Variants in IGFBP7 observed in about 807,000 individuals in gnomAD.
The protein encoded by IGFBP7 is insulin-like growth factor-binding protein 7.
IGFBP7 carries 31 observed loss-of-function variants against 29.4 expected under a neutral mutation model. That is an observed-to-expected ratio of 1.05 (90% CI 0.79 to 1.42). The LOEUF is 1.42. Among genes scored for constraint, IGFBP7 ranks in the 40% most tolerant of loss-of-function variants. The pLI, the probability that IGFBP7 is intolerant of heterozygous loss-of-function variation, is 0.00. For missense variants in IGFBP7, 393 were observed against 395.5 expected, an observed-to-expected ratio of 0.99 and a Z score of 0.05; for synonymous variants, 172 against 174.9, an observed-to-expected ratio of 0.98 and a Z score of 0.13.
chr4:57,089,105 G>A lies in IGFBP7; in HGVS notation c.475+20772C>T, dbSNP rs189953639. On this transcript the variant is annotated intron_variant, in intron 1 of 4. Transcript: ENST00000295666. ...CACACATTTAGTAAGTGGGGGAGTG[G>A]GGATTTGAACCCCACCCTCTCCAAA... is the stretch of plus-strand genomic sequence containing the variant. Among the ~76,000 whole-genome samples the A allele has an allele frequency of 2.0e-5, 3 of 151,698 alleles. No individual in the cohort carries two copies. The East Asian group carries it at 5.8e-4, about 29-fold the overall frequency.
At chr4:57,066,588 G>T (rs1214147212) in intron 1 of IGFBP7, among the ~76,000 whole-genome samples, 1 of 151,868 alleles carries the variant, frequency 6.6e-6, no homozygotes, top group Non-Finnish European at 1.5e-5. Context: ...TTTGGAGATG[G>T]AGTCTTGCTC....
intron 1 of IGFBP7, among the ~76,000 whole-genome samples, chr4:57,083,310 G>C (rs1466298989): frequency 1.6e-4 from 24 of 152,214 alleles, no homozygotes; most frequent in Non-Finnish European, 3.5e-4. Context: ...TTTCCCAGCA[G>C]TGGGAGTGAG....
Position 57,039,065 on chromosome 4 carries a change from C to CA in IGFBP7, c.585+1758dup, listed in dbSNP as rs71208974. On this transcript the variant is annotated intron_variant, in intron 2 of 4. Transcript: ENST00000295666. The stretch of plus-strand genomic sequence containing the variant: ...GGGCAATAAGAGTGAAACTATGTCT[C>CA]AAAAAAAAAAAAAAAAAAAAAAAGA... 9.9e-3 allele frequency among the ~76,000 whole-genome samples: 1,054 copies of CA among 106,096 alleles called. 18 individuals carry two copies. The highest frequency in any genetic ancestry group is 0.019 in the African/African-American group (513 of 27,330). The allele number at this position is 106,096 out of a possible 152,430, so 69.6% of individuals were successfully genotyped here. A position where few individuals can be genotyped will look rare whatever the true frequency, so the allele number is the denominator to read the frequency against.
chr4:57,082,373 G>A (rs1210080836), intron 1 of IGFBP7, among the ~76,000 whole-genome samples: 2 of 152,114 alleles, frequency 1.3e-5, no homozygotes, highest in Non-Finnish European at 2.9e-5. Context: ...TGGGACCTGC[G>A]TCTTTGGAGT....
At chr4:57,090,096 C>G (rs561083214) in intron 1 of IGFBP7, among the ~76,000 whole-genome samples, 12 of 152,304 alleles carry the variant, frequency 7.9e-5, no homozygotes, top group Admixed American at 6.5e-4. Context: ...GCCACTAGAG[C>G]CAAGTTTTCT....
At chr4:57,102,009 T>A (rs4590105) in intron 1 of IGFBP7, among the ~76,000 whole-genome samples, 1 of 152,218 alleles carries the variant, frequency 6.6e-6, no homozygotes, top group Non-Finnish European at 1.5e-5. Flanking sequence ...CTTAAAAATT[T>A]TTTTGACGAT....
chr4:57,034,061 A>AAC (rs1553913036), intron 2 of IGFBP7, among the ~76,000 whole-genome samples: 8 of 151,078 alleles, frequency 5.3e-5, no homozygotes, highest in African/African-American at 2.0e-4. Context: ...AAAAAAAAAA[A>AAC]AAAAAAACAG....
In IGFBP7 at chr4:57,064,337, C is replaced by A. The variant is rs529213550; in HGVS notation, c.476-23404G>T. ...CTGAGATTGCACCACTGCACTCCAG[C>A]CTGGGTGACTAAAAACAAACAAACA... On this transcript the variant is annotated intron_variant, in intron 1 of 4. Transcript: ENST00000295666. Among the ~76,000 whole-genome samples the A allele has an allele frequency of 2.6e-5, 4 of 152,300 alleles. No homozygotes were observed. The South Asian group carries it at 8.3e-4, about 32-fold the overall frequency.
chr4:57,048,300 C>T (rs552238152), intron 1 of IGFBP7, among the ~76,000 whole-genome samples: 90 of 152,276 alleles, frequency 5.9e-4, no homozygotes, highest in African/African-American at 2.0e-3. Context: ...CCACCTGCCT[C>T]GGCCTCCCAA....
chr4:57,053,097 G>A (rs1409604311), intron 1 of IGFBP7, among the ~76,000 whole-genome samples: 1 of 149,098 alleles, frequency 6.7e-6, no homozygotes, highest in Non-Finnish European at 1.5e-5. Context: ...GCTCACTGCA[G>A]CCCCTGCCTC....
chr4:57,083,319 AG>A (rs1725417777), intron 1 of IGFBP7, among the ~76,000 whole-genome samples: 2 of 152,210 alleles, frequency 1.3e-5, no homozygotes, highest in South Asian at 4.1e-4. Flanking sequence ...AGTGGGAGTG[AG>A]AAATTTTCAA....
intron 2 of IGFBP7, among the ~76,000 whole-genome samples, chr4:57,035,517 C>T (rs755774603): frequency 4.6e-5 from 7 of 151,958 alleles, no homozygotes; most frequent in African/African-American, 1.5e-4. Context: ...TGCAGTGGTG[C>T]GATCTCAGCT....
chr4:57,049,072 T>C (rs1724437097), intron 1 of IGFBP7, among the ~76,000 whole-genome samples: 1 of 152,136 alleles, frequency 6.6e-6, no homozygotes, highest in African/African-American at 2.4e-5. Context: ...GCAAATCAGT[T>C]CAATGCATTT....
In IGFBP7 at chr4:57,110,341, G is replaced by C. The variant is rs896347160; in HGVS notation, c.11C>G (p.Pro4Arg). The C allele has an allele frequency of 8.7e-6, 12 of 1,379,892 alleles. No homozygotes were observed. Among genetic ancestry groups the C allele is most frequent in the East Asian group, 3.1e-5 (1 of 31,806 alleles). 85.5% of individuals were successfully genotyped at this position (1,379,892 alleles called of 1,614,324 possible). ...GCCGAGGAGCAGGGCGCGCAGCGAC[G>C]GCCGCTCCATGGCGGGGTGCGGTGG... MER[P>R]SLRALLLGAA... The change falls in exon 1 of 5, where the codon CCG (proline) becomes CGG (arginine). Residue 4 changes from proline to arginine, a missense_variant. Physicochemically the swap from Pro to Arg is moderately radical, Grantham distance 103. Coordinates refer to ENST00000295666, the MANE Select transcript of IGFBP7 (RefSeq NM_001553.3).
chr4:57,110,339 A>G lies in IGFBP7; in HGVS notation c.13T>C (p.Ser5Pro). 1 of 1,380,842 alleles carries G rather than the reference A, an allele frequency of 7.2e-7. No homozygotes were observed. The highest frequency in any genetic ancestry group is 9.4e-7 in the Non-Finnish European group (1 of 1,065,190). The allele number at this position is 1,380,842 out of a possible 1,614,324, so 85.5% of individuals were successfully genotyped here. Reference protein sequence around the residue: MERPSLRALLLGAAG... With the variant: MERPPLRALLLGAAG... ...GCGCCGAGGAGCAGGGCGCGCAGCGACGGCCGCTCCATGGCGGGGTGCGGT... is the reference window on the plus strand; with the variant it reads ...GCGCCGAGGAGCAGGGCGCGCAGCGGCGGCCGCTCCATGGCGGGGTGCGGT... The change falls in exon 1 of 5, where the codon TCG (serine) becomes CCG (proline). Residue 5 changes from serine (S) to proline (P), a missense_variant. By Grantham distance (74) the Ser-to-Pro change is moderately conservative. Coordinates refer to ENST00000295666, the MANE Select transcript of IGFBP7 (RefSeq NM_001553.3).
intron 1 of IGFBP7, among the ~76,000 whole-genome samples, chr4:57,068,969 G>A (rs1724988940): frequency 6.6e-6 from 1 of 152,132 alleles, no homozygotes; most frequent in Non-Finnish European, 1.5e-5. Flanking sequence ...CGAGAGAAAT[G>A]TGAAAGTGGT....
intron 1 of IGFBP7, among the ~76,000 whole-genome samples, chr4:57,107,438 G>T (rs1008889088): frequency 2.0e-5 from 3 of 152,192 alleles, no homozygotes; most frequent in Admixed American, 2.0e-4. Flanking sequence ...CAAAGCCCCA[G>T]TATGAAATGG....
At chr4:57,057,807 G>C (rs1159167861) in intron 1 of IGFBP7, among the ~76,000 whole-genome samples, 2 of 152,192 alleles carry the variant, frequency 1.3e-5, no homozygotes, top group African/African-American at 2.4e-5. Flanking sequence ...CCAGCTGCTT[G>C]TCAACAAAGG....
intron 1 of IGFBP7, among the ~76,000 whole-genome samples, chr4:57,064,315 A>G (rs569734490): frequency 6.6e-6 from 1 of 152,360 alleles, no homozygotes; most frequent in South Asian, 2.1e-4. Flanking sequence ...CAGTGAGCTG[A>G]GATTGCACCA....
Sources: gnomAD v4.1 joint callset for allele counts (sites outside exome capture counted in the v4.1 genomes callset) on GRCh38, gnomAD v4.1.1 for gene constraint, MANE v1.5 for transcripts, NCBI Gene and HGNC (gene_info 2026-07-23, HGNC 2026-07-21) for gene names.